Variants in EPHA4 observed in about 807,000 individuals in gnomAD.
EPHA4 encodes EPH receptor A4.
A neutral mutation model predicts 108.3 loss-of-function variants in EPHA4; 19 were observed. The ratio of observed to expected loss-of-function variants is 0.18; its 90% CI spans 0.12 to 0.26. The LOEUF is 0.26. Ranked by LOEUF, EPHA4 falls within the 10% of genes least tolerant of loss-of-function variation. The pLI is 1.00. For synonymous variants in EPHA4, 449 were observed against 455.5 expected (o/e 0.99, Z 0.18); for missense variants, 917 against 1,254.0 (o/e 0.73, Z 4.06).
intron 3 of EPHA4, among the ~76,000 whole-genome samples, chr2:221,501,530 T>G (rs1692490320): frequency 6.6e-6 from 1 of 152,180 alleles, no homozygotes; most frequent in South Asian, 2.1e-4. Context: ...ACAGGCATTA[T>G]CTCTACCTTA....
At position 221,571,237 on chromosome 2, in the gene EPHA4, GCACACACACACCACACATACACA is replaced by G. The variant is rs893799753; in HGVS notation, c.91+898_91+920del. Among the ~76,000 whole-genome samples the G allele has an allele frequency of 2.1e-5, 3 of 145,844 alleles. No individual in the cohort carries two copies. Among genetic ancestry groups the G allele is most frequent in the Non-Finnish European group, 3.0e-5 (2 of 67,000 alleles). Reference sequence around the variant, plus strand: ...CAGACATGCACACACACGCAGACATGCACACACACACCACACATACACACACACACACACACAGTTCGCCTCTC... The same window carrying G: ...CAGACATGCACACACACGCAGACATGCACACACACACACAGTTCGCCTCTC... On this transcript the variant is annotated intron_variant, in intron 1 of 17. Coordinates refer to ENST00000281821, the MANE Select transcript of EPHA4 (RefSeq NM_004438.5). The surrounding 1 kb of genome is among the most constrained non-coding windows in gnomAD (Gnocchi z 6.3).
intron 14 of EPHA4, among the ~76,000 whole-genome samples, chr2:221,430,838 T>C (rs1026326520): frequency 1.3e-5 from 2 of 152,192 alleles, no homozygotes; most frequent in African/African-American, 4.8e-5. Context: ...TTTTGGGGCA[T>C]TTACATTTTA....
chr2:221,450,194 A>T (rs1291572607), intron 8 of EPHA4, among the ~76,000 whole-genome samples: 1 of 152,228 alleles, frequency 6.6e-6, no homozygotes, highest in African/African-American at 2.4e-5. Context: ...GGACCACCTG[A>T]GGTCAGGGGT....
At chr2:221,529,277 G>A (rs1410141660) in intron 3 of EPHA4, among the ~76,000 whole-genome samples, 1 of 152,138 alleles carries the variant, frequency 6.6e-6, no homozygotes, top group Non-Finnish European at 1.5e-5. Flanking sequence ...TTGCTGCAGG[G>A]GGCTGATTTT....
intron 3 of EPHA4, among the ~76,000 whole-genome samples, chr2:221,526,810 G>T (rs186628154): frequency 7.4e-6 from 1 of 135,380 alleles, no homozygotes. Flanking sequence ...TCGAGATCGC[G>T]CCATTGCATT....
Position 221,419,187 on chromosome 2 carries a change from ACATAT to A in EPHA4, c.*2180_*2184del, listed in dbSNP as rs2106081310. ...CAGTAAGTTGGCTGGAGTTTGGTAT[ACATAT>A]CATATCAATACTGAATCTTCACACT... On this transcript the variant is annotated 3_prime_UTR_variant, in exon 18 of 18. Transcript: ENST00000281821. 1 of 152,760 alleles carries A rather than the reference ACATAT, an allele frequency of 6.5e-6. No homozygotes were observed. The highest frequency in any genetic ancestry group is 1.9e-4 in the East Asian group (1 of 5,176). The allele number at this position is 152,760 out of a possible 1,614,324, so 9.5% of individuals were successfully genotyped here.
intron 17 of EPHA4, among the ~76,000 whole-genome samples, chr2:221,421,253 C>T (rs1465328782): frequency 6.6e-6 from 1 of 151,238 alleles, no homozygotes; most frequent in Non-Finnish European, 1.5e-5. Context: ...TGAGCCGAGA[C>T]AGCGCCACTG....
At chr2:221,464,503 T>G (rs1424607040) in intron 5 of EPHA4, among the ~76,000 whole-genome samples, 1 of 152,230 alleles carries the variant, frequency 6.6e-6, no homozygotes, top group East Asian at 1.9e-4. Flanking sequence ...ACATTCCAGA[T>G]GGAGAGAAGG....
intron 4 of EPHA4, among the ~76,000 whole-genome samples, chr2:221,497,776 A>G (rs1253124573): frequency 6.6e-6 from 1 of 152,164 alleles, no homozygotes; most frequent in Non-Finnish European, 1.5e-5. Flanking sequence ...GTAATGCACA[A>G]GACCTTGAAG....
At chr2:221,541,150 A>G (rs1235484798) in intron 3 of EPHA4, among the ~76,000 whole-genome samples, 2 of 151,980 alleles carry the variant, frequency 1.3e-5, no homozygotes, top group African/African-American at 4.8e-5. Flanking sequence ...AAGTCTTGCT[A>G]TGTTGCTTAG....
At chr2:221,516,266 T>C (rs1692986038) in intron 3 of EPHA4, among the ~76,000 whole-genome samples, 1 of 152,044 alleles carries the variant, frequency 6.6e-6, no homozygotes, top group South Asian at 2.1e-4. Context: ...CCTCTAAGAG[T>C]ACCAGACTAA....
At chr2:221,515,715 G>T (rs1355107709) in intron 3 of EPHA4, among the ~76,000 whole-genome samples, 1 of 152,108 alleles carries the variant, frequency 6.6e-6, no homozygotes, top group Non-Finnish European at 1.5e-5. Context: ...TACTGGGGAG[G>T]CTGAGGTGGG....
intron 5 of EPHA4, among the ~76,000 whole-genome samples, chr2:221,474,075 T>A (rs1257878384): frequency 6.6e-6 from 1 of 152,340 alleles, no homozygotes; most frequent in East Asian, 1.9e-4. Context: ...TTTAAAAAAA[T>A]GCAATCTAAC....
chr2:221,515,296 T>C (rs1313204588), intron 3 of EPHA4, among the ~76,000 whole-genome samples: 1 of 152,142 alleles, frequency 6.6e-6, no homozygotes, highest in Non-Finnish European at 1.5e-5. Flanking sequence ...GGTTTCTCCA[T>C]GTTGGTCAGG....
chr2:221,423,349 G>C (rs1024790618), intron 17 of EPHA4, among the ~76,000 whole-genome samples: 1 of 152,176 alleles, frequency 6.6e-6, no homozygotes, highest in African/African-American at 2.4e-5. Flanking sequence ...CTGGCTCTGC[G>C]CCCTGGGAAA....
At chr2:221,429,674 C>T (rs959483094) in intron 15 of EPHA4, among the ~76,000 whole-genome samples, 12 of 152,164 alleles carry the variant, frequency 7.9e-5, no homozygotes, top group African/African-American at 2.7e-4. Context: ...TCCTAAATTT[C>T]AGGCCTGGCA....
chr2:221,516,428 C>T (rs1334483166), intron 3 of EPHA4, among the ~76,000 whole-genome samples: 1 of 149,066 alleles, frequency 6.7e-6, no homozygotes, highest in Non-Finnish European at 1.5e-5. Flanking sequence ...GATCTCGGCT[C>T]ACTGCAACCT....
chr2:221,557,084 G>T (rs1694328940), intron 3 of EPHA4, among the ~76,000 whole-genome samples: 1 of 152,168 alleles, frequency 6.6e-6, no homozygotes, highest in Non-Finnish European at 1.5e-5. Context: ...GAAAAAAAAG[G>T]CAAATAACAT....
chr2:221,438,690 CA>C (rs1690322988), intron 11 of EPHA4, among the ~76,000 whole-genome samples: 1 of 151,948 alleles, frequency 6.6e-6, no homozygotes, highest in Non-Finnish European at 1.5e-5. Context: ...GAGGCTGAGA[CA>C]AGAGAATCAC....
Sources: gnomAD v4.1 joint callset for allele counts (sites outside exome capture counted in the v4.1 genomes callset) on GRCh38, gnomAD v4.1.1 for gene constraint, Gnocchi (gnomAD v3.1) non-coding constraint, MANE v1.5 for transcripts, NCBI Gene and HGNC (gene_info 2026-07-23, HGNC 2026-07-21) for gene names.